FKBP5: variants seen among roughly 807,000 people sequenced by gnomAD.
FKBP5 encodes peptidyl-prolyl cis-trans isomerase FKBP5.
Under a neutral mutation model 50.5 loss-of-function variants are expected in FKBP5, and 23 were observed. The observed-to-expected ratio is 0.46, with a 90% CI of 0.33 to 0.65. FKBP5 has a LOEUF of 0.65. FKBP5 is among the 30% of genes least tolerant of loss of function. FKBP5 has a pLI of 0.02. For synonymous variants in FKBP5, 176 were observed against 190.6 expected (o/e 0.92, Z 0.63); for missense variants, 411 against 553.1 (o/e 0.74, Z 2.58).
At chr6:35,609,813 A>G (rs1390210834) in intron 5 of FKBP5, among the ~76,000 whole-genome samples, 1 of 152,138 alleles carries the variant, frequency 6.6e-6, no homozygotes, top group Non-Finnish European at 1.5e-5. Context: ...ACTTCCAGAA[A>G]CTTTCTTGTC....
intron 2 of FKBP5, among the ~76,000 whole-genome samples, chr6:35,719,422 C>T (rs1766566825): frequency 6.6e-6 from 1 of 152,144 alleles, no homozygotes; most frequent in Non-Finnish European, 1.5e-5. Context: ...TGTCAAAATT[C>T]ATCAGGCTGT....
intron 4 of FKBP5, among the ~76,000 whole-genome samples, chr6:35,619,846 T>C (rs113333134): frequency 1.5e-3 from 222 of 152,342 alleles, no homozygotes; most frequent in African/African-American, 5.1e-3. Flanking sequence ...TGGTCAATTT[T>C]GAGTATGTCA....
At chr6:35,590,937 G>C (rs1271570926) in intron 7 of FKBP5, among the ~76,000 whole-genome samples, 193 bp downstream of exon 7, 2 of 151,048 alleles carry the variant, frequency 1.3e-5, no homozygotes, top group African/African-American at 4.9e-5. Context: ...AGAACACGGA[G>C]CTCCTTCGTT....
intron 1 of FKBP5, among the ~76,000 whole-genome samples, chr6:35,666,684 A>T (rs927939534): frequency 6.6e-6 from 1 of 152,074 alleles, no homozygotes; most frequent in East Asian, 1.9e-4. Context: ...AGTTCAAGAG[A>T]TCAAGACCAT....
intron 1 of FKBP5, among the ~76,000 whole-genome samples, chr6:35,667,692 C>A (rs573001578): frequency 1.1e-4 from 17 of 152,152 alleles, no homozygotes; most frequent in Non-Finnish European, 2.4e-4. Flanking sequence ...ATCAGCCTGG[C>A]CAACATGGTG....
intron 1 of FKBP5, among the ~76,000 whole-genome samples, chr6:35,668,695 A>C (rs1021292194): frequency 3.3e-5 from 5 of 151,724 alleles, no homozygotes; most frequent in Admixed American, 3.3e-4. Flanking sequence ...TGTTATTATT[A>C]TACTTTAAGT....
At chr6:35,697,285 C>A (rs144324913) in intron 2 of FKBP5, among the ~76,000 whole-genome samples, 1 of 152,176 alleles carries the variant, frequency 6.6e-6, no homozygotes, top group Non-Finnish European at 1.5e-5. Flanking sequence ...CAGTGGCTTA[C>A]GCCTGTAATC....
intron 5 of FKBP5, among the ~76,000 whole-genome samples, chr6:35,616,041 G>A (rs557374150): frequency 2.0e-4 from 31 of 152,224 alleles, no homozygotes; most frequent in East Asian, 3.9e-4. Flanking sequence ...GGCTGGGTGC[G>A]GTGGCTCATG....
chr6:35,678,779 T>A (rs1765591061), intron 1 of FKBP5, among the ~76,000 whole-genome samples: 1 of 152,164 alleles, frequency 6.6e-6, no homozygotes, highest in Non-Finnish European at 1.5e-5. Context: ...TGTGAGAATT[T>A]AACAGTTTAA....
Position 35,667,371 on chromosome 6 carries a change from A to G in FKBP5, c.-20+21433T>C, listed in dbSNP as rs111848421. Among the ~76,000 whole-genome samples the G allele has an allele frequency of 5.9e-3, 894 of 152,316 alleles. 11 individuals are homozygous for G. Among genetic ancestry groups the G allele is most frequent in the African/African-American group, 0.02 (821 of 41,562 alleles). On this transcript the variant is annotated intron_variant, in intron 1 of 10. Transcript: ENST00000357266. ...CTCCATTTTTCCTGTCTCCCCTGTAAGAACCACTCTGACTTACAAGTGTGT... is the reference window on the plus strand; with the variant it reads ...CTCCATTTTTCCTGTCTCCCCTGTAGGAACCACTCTGACTTACAAGTGTGT...
intron 7 of FKBP5, among the ~76,000 whole-genome samples, chr6:35,590,224 A>G (rs1762770389): frequency 6.6e-6 from 1 of 152,108 alleles, no homozygotes; most frequent in African/African-American, 2.4e-5. Context: ...GCTTGAGCCC[A>G]GGAAGTTGAG....
At chr6:35,589,000 A>T (rs1762707924) in intron 7 of FKBP5, among the ~76,000 whole-genome samples, 1 of 149,738 alleles carries the variant, frequency 6.7e-6, no homozygotes, top group South Asian at 2.1e-4. Flanking sequence ...TTGGCCTCCC[A>T]AAGTGCTGGG....
intron 3 of FKBP5, among the ~76,000 whole-genome samples, chr6:35,629,705 A>G (rs1465358000): frequency 6.6e-6 from 1 of 152,210 alleles, no homozygotes; most frequent in Non-Finnish European, 1.5e-5. Flanking sequence ...ATGATGTAAT[A>G]TCGAATTTAA....
At chr6:35,667,019 CTGTGTGTGTGTGTGTGTGTGTGTGTG>C (rs35407744) in intron 1 of FKBP5, among the ~76,000 whole-genome samples, 26 of 148,790 alleles carry the variant, frequency 1.7e-4, no homozygotes, top group Non-Finnish European at 1.6e-4. Context: ...GTGTGTGTGT[CTGTGTGTGTGTGTGTGTGTGTGTGTG>C]TGTGTGTGTG....
chr6:35,587,608 CA>C (rs1209585074), intron 7 of FKBP5, among the ~76,000 whole-genome samples: 1 of 152,122 alleles, frequency 6.6e-6, no homozygotes, highest in Admixed American at 6.6e-5. Flanking sequence ...CTAAAACAAC[CA>C]GATATACTAA....
intron 2 of FKBP5, among the ~76,000 whole-genome samples, chr6:35,699,343 G>A (rs1766138699): frequency 6.6e-6 from 1 of 152,168 alleles, no homozygotes; most frequent in Non-Finnish European, 1.5e-5. Context: ...AACTGACACA[G>A]CATCACTTCT....
At position 35,623,580 on chromosome 6, in the gene FKBP5, T is replaced by C. The variant is rs1245977973; in HGVS notation, c.251-3306A>G. The stretch of plus-strand genomic sequence containing the variant: ...ACGAAATGGCTACATCACTTTTTTT[T>C]TTTTTAAGAGACAGGGTCTTGCTCT... On this transcript the variant is annotated intron_variant, in intron 3 of 10. Coordinates refer to ENST00000357266, the MANE Select transcript of FKBP5 (RefSeq NM_004117.4). Among the ~76,000 whole-genome samples the C allele has an allele frequency of 1.3e-5, 2 of 152,248 alleles. 1 individual carries two copies.
At chr6:35,710,890 T>C (rs766989568) in intron 2 of FKBP5, among the ~76,000 whole-genome samples, 1 of 152,186 alleles carries the variant, frequency 6.6e-6, no homozygotes, top group Non-Finnish European at 1.5e-5. Context: ...GAAGCCAAGA[T>C]ACAAAAGAGT....
rs35341260 is a variant in FKBP5, at chr6:35,600,543, T to TAA, written c.509-3141_509-3140dup. Among the ~76,000 whole-genome samples the TAA allele has an allele frequency of 1.6e-3, 245 of 148,772 alleles. 1 individual carries two copies. Among genetic ancestry groups the TAA allele is most frequent in the African/African-American group, 1.7e-3 (71 of 40,618 alleles). The stretch of plus-strand genomic sequence containing the variant: ...AAATTTAGACTAATAACACTTTTCA[T>TAA]AAAAAAAAAAAAGATTTGCTGAGCA... On this transcript the variant is annotated intron_variant, in intron 5 of 10. Coordinates refer to ENST00000357266, the MANE Select transcript of FKBP5 (RefSeq NM_004117.4).
Sources: gnomAD v4.1 joint callset for allele counts (sites outside exome capture counted in the v4.1 genomes callset) on GRCh38, gnomAD v4.1.1 for gene constraint, MANE v1.5 for transcripts, NCBI Gene and HGNC (gene_info 2026-07-23, HGNC 2026-07-21) for gene names.